PCDHGB3: variants seen among roughly 807,000 people sequenced by gnomAD.
PCDHGB3 encodes the protein protocadherin gamma subfamily B, 3, also known as protocadherin gamma-B3.
PCDHGB3 carries 40 observed loss-of-function variants against 59.2 expected under a neutral mutation model. That is an observed-to-expected ratio of 0.68 (90% CI 0.52 to 0.88). PCDHGB3 has a LOEUF of 0.88. Among genes scored for constraint, PCDHGB3 ranks in the 40% least tolerant of loss-of-function variants. The pLI, the probability that PCDHGB3 is intolerant of heterozygous loss-of-function variation, is 0.00. For synonymous variants in PCDHGB3, 581 were observed against 503.6 expected (o/e 1.15, Z -2.06); for missense variants, 1,309 against 1,187.9 (o/e 1.10, Z -1.50).
At chr5:141,389,364 C>CT (rs963046088) in intron 1 of PCDHGB3, 1 of 1,613,736 alleles carries the variant, frequency 6.2e-7, no homozygotes, top group African/African-American at 1.3e-5. Context: ...GGCCAGTGAC[C>CT]TGGAGCAGCG....
At position 141,487,736 on chromosome 5, in the gene PCDHGB3, G is replaced by C; in HGVS notation, c.2416-7071G>C. On this transcript the variant is annotated intron_variant, in intron 1 of 3. Transcript: ENST00000576222. The surrounding 1 kb of genome is among the most constrained non-coding windows in gnomAD (Gnocchi z 5.0). Reference sequence around the variant, plus strand: ...TGCCCATAGTGATGTCACCATTTTTGTAAGAGGTAACTATGTGGTAGACGC... The same window carrying C: ...TGCCCATAGTGATGTCACCATTTTTCTAAGAGGTAACTATGTGGTAGACGC... 1 of 1,563,758 alleles carries C rather than the reference G, an allele frequency of 6.4e-7. No homozygotes were observed.
chr5:141,421,679 C>A, intron 1 of PCDHGB3: 1 of 1,613,810 alleles, frequency 6.2e-7, no homozygotes, highest in East Asian at 2.2e-5. Flanking sequence ...ATTCCTGGGG[C>A]GCGATTTGCT....
At chr5:141,385,465 G>T in intron 1 of PCDHGB3, 1 of 1,441,910 alleles carries the variant, frequency 6.9e-7, no homozygotes, top group Non-Finnish European at 9.1e-7. Flanking sequence ...TCCTTCAGTG[G>T]TGACACTTTA....
In PCDHGB3 at chr5:141,490,363, C is replaced by G; in HGVS notation, c.2416-4444C>G. 3 of 1,614,154 alleles carry G rather than the reference C, an allele frequency of 1.9e-6. No homozygotes were observed. Among genetic ancestry groups the G allele is most frequent in the Non-Finnish European group, 2.5e-6 (3 of 1,180,032 alleles). On this transcript the variant is annotated intron_variant, in intron 1 of 3. Transcript: ENST00000576222. This position sits in a 1 kb window ranked among gnomAD's most constrained non-coding sequence, Gnocchi z 5.4. ...CACAGTAGTGGGGTTGTTTAATGTGCGAGACCGGGACTCAGGTAGAAATGG... is the reference window on the plus strand; with the variant it reads ...CACAGTAGTGGGGTTGTTTAATGTGGGAGACCGGGACTCAGGTAGAAATGG...
intron 1 of PCDHGB3, among the ~76,000 whole-genome samples, chr5:141,464,748 T>A (rs995568259): frequency 2.0e-5 from 3 of 152,190 alleles, no homozygotes; most frequent in Admixed American, 2.0e-4. Flanking sequence ...TATCTTTTTG[T>A]TTTTTTAGAG....
chr5:141,439,960 T>G (rs1297261423), intron 1 of PCDHGB3: 1 of 152,668 alleles, frequency 6.6e-6, no homozygotes, highest in African/African-American at 2.4e-5. Flanking sequence ...AGATCCGTTA[T>G]TCAGTCCTAG....
intron 1 of PCDHGB3, chr5:141,412,531 T>G (rs534627173): frequency 1.7e-4 from 26 of 152,304 alleles, no homozygotes; most frequent in African/African-American, 5.8e-4. Flanking sequence ...GTTACAATTA[T>G]AAAGCTTCAG....
intron 1 of PCDHGB3, 144 bp downstream of exon 1, chr5:141,372,953 C>T (rs1217005690): frequency 1.5e-5 from 11 of 745,036 alleles, no homozygotes; most frequent in Non-Finnish European, 2.3e-5. Context: ...CTAGGAAATT[C>T]TTTGTAGAAT....
At chr5:141,467,055 CTT>C (rs1193465269) in intron 1 of PCDHGB3, among the ~76,000 whole-genome samples, 47 of 134,388 alleles carry the variant, frequency 3.5e-4, no homozygotes, top group Admixed American at 6.0e-4. Context: ...TCAATGTTTT[CTT>C]TTTTTTTTTT....
intron 1 of PCDHGB3, among the ~76,000 whole-genome samples, chr5:141,381,379 A>G (rs1777152339): frequency 6.6e-6 from 1 of 152,224 alleles, no homozygotes; most frequent in Non-Finnish European, 1.5e-5. Flanking sequence ...GGATCCATCA[A>G]TAATTTAGTT....
Position 141,372,306 on chromosome 5 carries a change from G to T in PCDHGB3, c.1912G>T (p.Ala638Ser), listed in dbSNP as rs771102617. 35 of 1,613,152 alleles carry T rather than the reference G, an allele frequency of 2.2e-5. No homozygotes were observed. Among genetic ancestry groups the T allele is most frequent in the African/African-American group, 9.3e-5 (7 of 75,056 alleles). ...TARTLGDREA[A>S]RQRLLVTVRD... ...GCGTACCTTGGGCGACAGGGAGGCC[G>T]CCCGCCAGCGCCTGCTGGTCACTGT... The change falls in exon 1 of 4, where the codon GCC (alanine) becomes TCC (serine). Residue 638 changes from alanine to serine, a missense_variant. Coordinates refer to ENST00000576222, the MANE Select transcript of PCDHGB3 (RefSeq NM_018924.5).
rs2096144450 is a variant in PCDHGB3 at position 141,417,665 on chromosome 5, T to C, written c.2415+44856T>C. On this transcript the variant is annotated intron_variant, in intron 1 of 3. Coordinates refer to ENST00000576222, the MANE Select transcript of PCDHGB3 (RefSeq NM_018924.5). ...CCTCAGCCTCTAGCCTGGGATTCCCTGCGCAGCCAACAACAGAAAAGAAAA... is the reference window on the plus strand; with the variant it reads ...CCTCAGCCTCTAGCCTGGGATTCCCCGCGCAGCCAACAACAGAAAAGAAAA... 3.3e-6 allele frequency: 3 copies of C among 915,730 alleles called. No individual in the cohort carries two copies. In the South Asian group the frequency reaches 5.8e-5, roughly 18 times the overall value. 56.7% of individuals were successfully genotyped at this position (915,730 alleles called of 1,614,324 possible).
At chr5:141,384,052 A>G in intron 1 of PCDHGB3, 1 of 1,611,012 alleles carries the variant, frequency 6.2e-7, no homozygotes, top group Non-Finnish European at 8.5e-7. Context: ...GGTGACCTGC[A>G]CCATTCCAGA....
At position 141,393,913 on chromosome 5, in the gene PCDHGB3, C is replaced by T. The variant is rs1170452204; in HGVS notation, c.2415+21104C>T. ...AATTCTCTTCCCGGGACAGTAATTG[C>T]CTTCTTGAGTGTGCATGACCAAGAC... On this transcript the variant is annotated intron_variant, in intron 1 of 3. Coordinates refer to ENST00000576222, the MANE Select transcript of PCDHGB3 (RefSeq NM_018924.5). 3.1e-6 allele frequency: 5 copies of T among 1,613,780 alleles called. No homozygotes were observed. The South Asian group carries it at 3.3e-5, about 11-fold the overall frequency.
In PCDHGB3 at chr5:141,423,579, G is replaced by A. The variant is rs760902886; in HGVS notation, c.2415+50770G>A. 6 of 1,613,378 alleles carry A rather than the reference G, an allele frequency of 3.7e-6. No homozygotes were observed. In the East Asian group the frequency reaches 1.3e-4, roughly 36 times the overall value. ...ATGGGGACACGCTCATCAGCCAGGA[G>A]AGCTGTGAGAAAAGCGAGCCACTCT... On this transcript the variant is annotated intron_variant, in intron 1 of 3. Transcript: ENST00000576222.
In PCDHGB3 at chr5:141,371,409, G is replaced by T; in HGVS notation, c.1015G>T (p.Asp339Tyr). The change falls in exon 1 of 4, where the codon GAT becomes TAT. Residue 339 changes from aspartate to tyrosine, a missense_variant. Coordinates refer to ENST00000576222, the MANE Select transcript of PCDHGB3 (RefSeq NM_018924.5). ...AYCKVQIDISDENDNAPEITL... is the reference protein window; with the variant it reads ...AYCKVQIDISYENDNAPEITL... ...TTGTAAAGTACAGATAGATATTTCA[G>T]ATGAAAATGACAATGCCCCGGAGAT... is the stretch of plus-strand genomic sequence containing the variant. 1.2e-6 allele frequency: 2 copies of T among 1,614,022 alleles called. No individual in the cohort carries two copies. Among genetic ancestry groups the T allele is most frequent in the Non-Finnish European group, 1.7e-6 (2 of 1,179,892 alleles).
chr5:141,469,802 C>T (rs2099211446), intron 1 of PCDHGB3, among the ~76,000 whole-genome samples: 1 of 152,022 alleles, frequency 6.6e-6, no homozygotes, highest in Admixed American at 6.6e-5. Flanking sequence ...ATTGCAAAAA[C>T]ATTGTAGATA....
In PCDHGB3 at chr5:141,372,320, G is replaced by A. The variant is rs924868595; in HGVS notation, c.1926G>A (p.Leu642=). The part of the protein sequence containing the change: ...LGDREAARQR[L]LVTVRDGGQQ... ...ACAGGGAGGCCGCCCGCCAGCGCCT[G>A]CTGGTCACTGTGCGTGATGGAGGAC... The change falls in exon 1 of 4, where the codon CTG becomes CTA. Residue 642 remains leucine, a synonymous_variant. Transcript: ENST00000576222. 2 of 1,613,612 alleles carry A rather than the reference G, an allele frequency of 1.2e-6. No homozygotes were observed. The highest frequency in any genetic ancestry group is 1.7e-6 in the Non-Finnish European group (2 of 1,179,902).
In PCDHGB3 at chr5:141,375,076, G is replaced by A. The variant is rs1338311528; in HGVS notation, c.2415+2267G>A. 6 of 1,613,892 alleles carry A rather than the reference G, an allele frequency of 3.7e-6. No homozygotes were observed. In the African/African-American group the frequency reaches 5.3e-5, roughly 14 times the overall value. On this transcript the variant is annotated intron_variant, in intron 1 of 3. Coordinates refer to ENST00000576222, the MANE Select transcript of PCDHGB3 (RefSeq NM_018924.5). Reference sequence around the variant, plus strand: ...ATGGGCCAGGTCTTCGAGACAGAGCGAAAGTCTTAATAACTATCTTGGATG... The same window carrying A: ...ATGGGCCAGGTCTTCGAGACAGAGCAAAAGTCTTAATAACTATCTTGGATG...
Sources: allele counts gnomAD v4.1 joint callset (sites outside exome capture counted in the v4.1 genomes callset), GRCh38; gene constraint gnomAD v4.1.1; non-coding constraint Gnocchi (gnomAD v3.1); transcripts MANE v1.5; gene names NCBI Gene and HGNC (gene_info 2026-07-23, HGNC 2026-07-21).